The following PIK3C3 variants were observed in gnomAD, a reference collection of about 807,000 sequenced individuals.
PIK3C3 encodes the protein PI3-kinase type 3.
A neutral mutation model predicts 126.1 loss-of-function variants in PIK3C3; 95 were observed. The ratio of observed to expected loss-of-function variants is 0.75; its 90% CI spans 0.64 to 0.89. PIK3C3 has a LOEUF of 0.89. Ranked by LOEUF, PIK3C3 falls within the 40% of genes least tolerant of loss-of-function variation. The pLI is 0.00. For synonymous variants in PIK3C3, 374 were observed against 360.0 expected, an observed-to-expected ratio of 1.04 and a Z score of -0.44; for missense variants, 829 against 1,063.2, an observed-to-expected ratio of 0.78 and a Z score of 3.06.
rs530848490 is a variant in PIK3C3 at position 41,963,255 on chromosome 18, C to T, written c.401+623C>T. Among the ~76,000 whole-genome samples the T allele has an allele frequency of 9.2e-5, 14 of 152,228 alleles. No individual in the cohort carries two copies. In the East Asian group the frequency reaches 2.7e-3, roughly 29 times the overall value. On this transcript the variant is annotated intron_variant, in intron 3 of 24. Coordinates refer to ENST00000262039, the MANE Select transcript of PIK3C3 (RefSeq NM_002647.4). ...AACTTGGTCCTTCATCAAGTATTTA[C>T]TTAGTTCATATAGGAAAGACAGATA...
rs770249197 is a variant in PIK3C3 at position 42,027,515 on chromosome 18, C to T, written c.1557C>T (p.Asn519=). 5.8e-5 allele frequency: 94 copies of T among 1,610,894 alleles called. No individual in the cohort carries two copies. The Admixed American group carries it at 6.5e-4, about 11-fold the overall frequency. Residue 519 remains asparagine, a synonymous_variant, in exon 14 of 25, where the codon AAC becomes AAT. Transcript: ENST00000262039. ...RDPKTHEMYL[N]VMRRFSQALL... ...CAAAGACCCATGAGATGTACTTGAACGTAATGAGAAGATTCAGCCAAGCAT... is the reference window on the plus strand; with the variant it reads ...CAAAGACCCATGAGATGTACTTGAATGTAATGAGAAGATTCAGCCAAGCAT...
At chr18:41,975,259 A>G (rs1980857437) in intron 4 of PIK3C3, among the ~76,000 whole-genome samples, 1 of 152,190 alleles carries the variant, frequency 6.6e-6, no homozygotes. Context: ...AACCACTTCA[A>G]AGAGTCATTT....
At chr18:42,010,601 G>A (rs1282567111) in intron 10 of PIK3C3, among the ~76,000 whole-genome samples, 2 of 152,062 alleles carry the variant, frequency 1.3e-5, no homozygotes, top group Non-Finnish European at 2.9e-5. Flanking sequence ...CCTGACTTCG[G>A]GTGATCCACC....
chr18:42,073,963 A>G (rs1009719402), intron 24 of PIK3C3, among the ~76,000 whole-genome samples: 29 of 152,188 alleles, frequency 1.9e-4, no homozygotes, highest in African/African-American at 7.0e-4. Flanking sequence ...CAGAGTATGT[A>G]TAAAAACATT....
Position 42,081,127 on chromosome 18 carries a change from G to C in PIK3C3, c.2654G>C (p.Trp885Ser). 1 of 1,557,642 alleles carries C rather than the reference G, an allele frequency of 6.4e-7. No individual in the cohort carries two copies. The highest frequency in any genetic ancestry group is 8.8e-7 in the Non-Finnish European group (1 of 1,135,428). The change falls in exon 25 of 25, where the codon TGG becomes TCG. Residue 885 changes from tryptophan to serine, a missense_variant. Coordinates refer to ENST00000262039, the MANE Select transcript of PIK3C3 (RefSeq NM_002647.4). The stretch of plus-strand genomic sequence containing the variant: ...ATTTCTTTTTAATTTTTGTAGTACT[G>C]GAGAAAATGAAACTGGGATTGACCC... ...VEQIHKFAQY[W>S]RK
chr18:41,959,641 A>G (rs1979977439), intron 2 of PIK3C3, among the ~76,000 whole-genome samples: 1 of 152,154 alleles, frequency 6.6e-6, no homozygotes, highest in African/African-American at 2.4e-5. Flanking sequence ...TAAAAATACA[A>G]AAATTGCCTG....
At chr18:42,023,443 C>T (rs891464467) in intron 13 of PIK3C3, among the ~76,000 whole-genome samples, 1 of 152,202 alleles carries the variant, frequency 6.6e-6, no homozygotes, top group African/African-American at 2.4e-5. Flanking sequence ...AGTACAGCCC[C>T]AGTTCCCAGT....
intron 21 of PIK3C3, among the ~76,000 whole-genome samples, chr18:42,053,380 G>A (rs1984891156): frequency 6.6e-6 from 1 of 152,168 alleles, no homozygotes; most frequent in African/African-American, 2.4e-5. Flanking sequence ...ACAGCAGAGG[G>A]CGCTGTGTAT....
chr18:42,015,790 C>T (rs1016380141), intron 12 of PIK3C3, among the ~76,000 whole-genome samples: 1 of 152,076 alleles, frequency 6.6e-6, no homozygotes, highest in African/African-American at 2.4e-5. Context: ...TAAATGGATT[C>T]ATATGCAATA....
chr18:42,032,568 G>A (rs1331207292), intron 15 of PIK3C3, among the ~76,000 whole-genome samples: 1 of 152,012 alleles, frequency 6.6e-6, no homozygotes, highest in Non-Finnish European at 1.5e-5. Flanking sequence ...TATAGTGGTA[G>A]AGGTGGTAAG....
At chr18:41,974,376 CCT>C (rs1206849567) in intron 4 of PIK3C3, among the ~76,000 whole-genome samples, 22 of 152,072 alleles carry the variant, frequency 1.4e-4, no homozygotes, top group African/African-American at 4.6e-4. Context: ...GCGGAATTAA[CCT>C]CTCTCATGAT....
intron 22 of PIK3C3, 92 bp from the exon 23 acceptor site, chr18:42,064,648 C>T: frequency 1.5e-6 from 1 of 653,964 alleles, no homozygotes; most frequent in Non-Finnish European, 2.8e-6. Flanking sequence ...TGTAGAAATC[C>T]AAGTACCACT....
At position 42,086,454 on chromosome 18, in the gene PIK3C3, G is replaced by C. The variant is rs1986400557; in HGVS notation, c.*5317G>C. The C allele has an allele frequency of 6.6e-6, 1 of 152,192 alleles. No individual in the cohort carries two copies. Among genetic ancestry groups the C allele is most frequent in the South Asian group, 2.1e-4 (1 of 4,832 alleles). The allele number at this position is 152,192 out of a possible 1,614,324, so 9.4% of individuals were successfully genotyped here. On this transcript the variant is annotated 3_prime_UTR_variant, in exon 25 of 25. Coordinates refer to ENST00000262039, the MANE Select transcript of PIK3C3 (RefSeq NM_002647.4). ...GAGACCCACTGGGCTGCATTCCCAG[G>C]AAGTTAGGCATTCTTAGTCACAGGA...
At chr18:41,996,109 G>GTAGGATTCATC in intron 8 of PIK3C3, 115 bp downstream of exon 8, 1 of 701,078 alleles carries the variant, frequency 1.4e-6, no homozygotes, top group Non-Finnish European at 2.6e-6. Context: ...CCAGGTTGAT[G>GTAGGATTCATC]AATCCTACAT....
chr18:42,059,656 A>C, intron 22 of PIK3C3: 1 of 152,210 alleles, frequency 6.6e-6, no homozygotes, highest in East Asian at 1.9e-4. Flanking sequence ...GCTACAAAGA[A>C]AAGCCACAGA....
At chr18:42,017,847 C>T (rs1165322963) in intron 12 of PIK3C3, among the ~76,000 whole-genome samples, 2 of 151,842 alleles carry the variant, frequency 1.3e-5, no homozygotes, top group Non-Finnish European at 2.9e-5. Flanking sequence ...TTGTAAATAT[C>T]ATGTAGCTAA....
chr18:41,961,500 C>T lies in PIK3C3; in HGVS notation c.258-989C>T, dbSNP rs141449802. On this transcript the variant is annotated intron_variant, in intron 2 of 24. Transcript: ENST00000262039. The stretch of plus-strand genomic sequence containing the variant: ...TTTTTCTTGAAATTGATAGCCATCT[C>T]TAATTTATATGGCGTATATAAATGA... Among the ~76,000 whole-genome samples the T allele has an allele frequency of 5.7e-3, 865 of 152,216 alleles. 8 individuals carry two copies. Among genetic ancestry groups the T allele is most frequent in the Middle Eastern group, 0.034 (10 of 294 alleles).
intron 15 of PIK3C3, among the ~76,000 whole-genome samples, chr18:42,032,117 A>G (rs532553150): frequency 2.6e-5 from 4 of 152,306 alleles, no homozygotes; most frequent in Non-Finnish European, 5.9e-5. Flanking sequence ...TTGACATTTG[A>G]ACAAAGGCCT....
At position 42,082,201 on chromosome 18, in the gene PIK3C3, G is replaced by A. The variant is rs536044108; in HGVS notation, c.*1064G>A. On this transcript the variant is annotated 3_prime_UTR_variant, in exon 25 of 25. Coordinates refer to ENST00000262039, the MANE Select transcript of PIK3C3 (RefSeq NM_002647.4). Reference sequence around the variant, plus strand: ...ATATGTTACATAGTCATATGACTTGGTCTTGGAAGAAAAAGAATTGTTTTG... The same window carrying A: ...ATATGTTACATAGTCATATGACTTGATCTTGGAAGAAAAAGAATTGTTTTG... The A allele has an allele frequency of 6.0e-4, 91 of 152,260 alleles. No individual in the cohort carries two copies. Among genetic ancestry groups the A allele is most frequent in the African/African-American group, 2.0e-3 (82 of 41,554 alleles). The allele number at this position is 152,260 out of a possible 1,614,324, so 9.4% of individuals were successfully genotyped here.
Sources: gnomAD v4.1 joint callset for allele counts (sites outside exome capture counted in the v4.1 genomes callset) on GRCh38, gnomAD v4.1.1 for gene constraint, MANE v1.5 for transcripts, NCBI Gene and HGNC (gene_info 2026-07-23, HGNC 2026-07-21) for gene names.